SUSD5: variants seen among roughly 807,000 people sequenced by gnomAD.
SUSD5 encodes sushi domain containing 5, also known as sushi domain-containing protein 5.
In SUSD5, 33 loss-of-function variants were observed where a neutral mutation model predicts 29.5. The observed-to-expected ratio is 1.12, with a 90% CI of 0.85 to 1.49. The LOEUF (loss-of-function observed/expected upper bound fraction) is 1.49, where lower values mean the gene tolerates loss of function less well. Among genes scored for constraint, SUSD5 ranks in the 40% most tolerant of loss-of-function variants. The pLI is 0.00. For synonymous variants in SUSD5, 308 were observed against 325.3 expected (o/e 0.95, Z 0.57); for missense variants, 776 against 800.6 (o/e 0.97, Z 0.37).
Position 33,213,204 on chromosome 3 carries a change from C to T in SUSD5, c.290+724G>A, listed in dbSNP as rs193233520. On this transcript the variant is annotated intron_variant, in intron 2 of 4. Transcript: ENST00000309558. ...AGGAGGATTGCTTGAGGTCAGAGTT[C>T]GAGACCAGCCTGGGCAACATAGCAA... Among the ~76,000 whole-genome samples, 17 of 151,940 alleles carry T rather than the reference C, an allele frequency of 1.1e-4. No individual in the cohort carries two copies. The East Asian group carries it at 1.4e-3, about 12-fold the overall frequency.
At chr3:33,212,813 C>T (rs776560651) in intron 2 of SUSD5, among the ~76,000 whole-genome samples, 1 of 152,198 alleles carries the variant, frequency 6.6e-6, no homozygotes, top group Non-Finnish European at 1.5e-5. Flanking sequence ...ATTTTTCCAA[C>T]CTAACTTCAG....
At chr3:33,218,565 C>T (rs2032466339) in intron 1 of SUSD5, 121 bp downstream of exon 1, 2 of 910,958 alleles carry the variant, frequency 2.2e-6, no homozygotes, top group Admixed American at 4.3e-5. Flanking sequence ...CTCGTTCGTT[C>T]CTCTCAGGCT....
intron 2 of SUSD5, among the ~76,000 whole-genome samples, chr3:33,213,538 C>A (rs2032363698): frequency 6.6e-6 from 1 of 152,116 alleles, no homozygotes; most frequent in Admixed American, 6.5e-5. Context: ...CTCTGGGAGG[C>A]CGAGGCAGGT....
intron 3 of SUSD5, among the ~76,000 whole-genome samples, chr3:33,184,881 A>G (rs771045152): frequency 2.6e-5 from 4 of 152,210 alleles, no homozygotes; most frequent in Middle Eastern, 3.2e-3. Context: ...AATAAATTCA[A>G]TGTTCCCGCC....
At chr3:33,168,052 G>A (rs1360830785) in intron 4 of SUSD5, among the ~76,000 whole-genome samples, 3 of 152,242 alleles carry the variant, frequency 2.0e-5, no homozygotes, top group African/African-American at 7.2e-5. Context: ...AAACAGAAGA[G>A]CACAGAAAGT....
chr3:33,168,715 T>C (rs1005475546), intron 4 of SUSD5: 3 of 386,340 alleles, frequency 7.8e-6, no homozygotes, highest in Non-Finnish European at 1.1e-5. Flanking sequence ...AGTGGGGTGA[T>C]CTTGGCTCAC....
chr3:33,218,729 C>A lies in SUSD5; in HGVS notation c.69G>T (p.Ala23=). The A allele has an allele frequency of 7.4e-7, 1 of 1,350,312 alleles. No individual in the cohort carries two copies. The highest frequency in any genetic ancestry group is 9.5e-7 in the Non-Finnish European group (1 of 1,056,398). The allele number at this position is 1,350,312 out of a possible 1,614,324, so 83.6% of individuals were successfully genotyped here. Reference sequence around the variant, plus strand: ...GGCGCGGCAGACCGAGCAGGAGCAGCGCCGCCGCCCAGAGCCCGGGGAGGC... The same window carrying A: ...GGCGCGGCAGACCGAGCAGGAGCAGAGCCGCCGCCCAGAGCCCGGGGAGGC... ...HRRLPGLWAA[A]LLLLGLPRLS... The change falls in exon 1 of 5, where the codon GCG becomes GCT. Residue 23 remains alanine, a synonymous_variant. Coordinates refer to ENST00000309558, the MANE Select transcript of SUSD5 (RefSeq NM_015551.2).
At chr3:33,154,138 A>C (rs1445582153) in intron 4 of SUSD5, 105 bp from the exon 5 acceptor site, 2 of 899,952 alleles carry the variant, frequency 2.2e-6, no homozygotes, top group Non-Finnish European at 3.2e-6. Context: ...CAGAATAAAT[A>C]ATACTGTTAT....
At chr3:33,169,152 G>A (rs1178531841) in intron 4 of SUSD5, among the ~76,000 whole-genome samples, 3 of 152,324 alleles carry the variant, frequency 2.0e-5, no homozygotes, top group East Asian at 1.9e-4. Context: ...TGGGAATGAT[G>A]GAAGTGTTCT....
intron 4 of SUSD5, among the ~76,000 whole-genome samples, chr3:33,165,006 A>G (rs1384666011): frequency 6.8e-6 from 1 of 147,654 alleles, no homozygotes; most frequent in Non-Finnish European, 1.5e-5. Flanking sequence ...ACACACACAC[A>G]CGTATGATCC....
intron 3 of SUSD5, among the ~76,000 whole-genome samples, chr3:33,195,012 T>A (rs184990014): frequency 2.6e-5 from 4 of 152,256 alleles, no homozygotes; most frequent in African/African-American, 9.6e-5. Context: ...CTGGCCAACA[T>A]GGCAAAACCC....
chr3:33,195,317 A>G (rs2031975161), intron 3 of SUSD5, among the ~76,000 whole-genome samples: 1 of 152,202 alleles, frequency 6.6e-6, no homozygotes, highest in Non-Finnish European at 1.5e-5. Flanking sequence ...CTTGTCCTAT[A>G]ATTCTTCTCT....
chr3:33,193,834 T>C (rs1054597567), intron 3 of SUSD5, among the ~76,000 whole-genome samples: 5 of 152,200 alleles, frequency 3.3e-5, no homozygotes, highest in African/African-American at 1.2e-4. Flanking sequence ...GAAGAATTTA[T>C]AGTGTAACAT....
chr3:33,170,065 A>G (rs948476444), intron 4 of SUSD5, among the ~76,000 whole-genome samples: 1 of 151,666 alleles, frequency 6.6e-6, no homozygotes, highest in African/African-American at 2.4e-5. Flanking sequence ...CTACAGGCGC[A>G]ATGCCACCAC....
At position 33,163,009 on chromosome 3, in the gene SUSD5, A is replaced by G. The variant is rs1389906515; in HGVS notation, c.599-8976T>C. ...AATACAACTTACCAAAAGTGACACA[A>G]GAGGAAATAGAAAAATTTTATATAC... On this transcript the variant is annotated intron_variant, in intron 4 of 4. Transcript: ENST00000309558. 3.3e-5 allele frequency among the ~76,000 whole-genome samples: 5 copies of G among 152,130 alleles called. No homozygotes were observed. The East Asian group carries it at 9.6e-4, about 29-fold the overall frequency.
chr3:33,214,169 A>G, intron 1 of SUSD5, 64 bp from the exon 2 acceptor site: 1 of 1,492,698 alleles, frequency 6.7e-7, no homozygotes, highest in African/African-American at 1.4e-5. Flanking sequence ...GTCTCAGCAA[A>G]CATCCTCTGG....
chr3:33,208,191 A>G (rs1186594362), intron 2 of SUSD5, among the ~76,000 whole-genome samples: 1 of 152,112 alleles, frequency 6.6e-6, no homozygotes, highest in African/African-American at 2.4e-5. Context: ...GTTGGTTTTT[A>G]TTTCATAAAA....
chr3:33,209,655 C>A (rs890847283), intron 2 of SUSD5, among the ~76,000 whole-genome samples: 7 of 138,546 alleles, frequency 5.1e-5, no homozygotes, highest in Non-Finnish European at 1.1e-4. Flanking sequence ...TTCTTTCTTT[C>A]TTTTCTTTTT....
At chr3:33,214,529 A>G (rs2032390698) in intron 1 of SUSD5, among the ~76,000 whole-genome samples, 1 of 151,996 alleles carries the variant, frequency 6.6e-6, no homozygotes, top group African/African-American at 2.4e-5. Context: ...ATGACCCCCT[A>G]TACAACAGGT....
Sources: gnomAD v4.1 joint callset for allele counts (sites outside exome capture counted in the v4.1 genomes callset) on GRCh38, gnomAD v4.1.1 for gene constraint, MANE v1.5 for transcripts, NCBI Gene and HGNC (gene_info 2026-07-23, HGNC 2026-07-21) for gene names.